The following WNT10A variants were observed in gnomAD, a reference collection of about 807,000 sequenced individuals.
WNT10A encodes protein Wnt-10a.
WNT10A carries 37 observed loss-of-function variants against 36.1 expected under a neutral mutation model. The ratio of observed to expected loss-of-function variants is 1.02; its 90% CI spans 0.79 to 1.35. The LOEUF is 1.35. WNT10A is among the 40% of genes most tolerant of loss of function. The probability of loss-of-function intolerance (pLI) is 0.00; values close to 1 mark genes in which losing one functional copy is unlikely to be tolerated. For synonymous variants in WNT10A, 255 were observed against 254.1 expected (o/e 1.00, Z -0.03); for missense variants, 613 against 601.4 (o/e 1.02, Z -0.20).
At chr2:218,891,415 C>G (rs1944648736) in intron 3 of WNT10A, among the ~76,000 whole-genome samples, 1 of 152,208 alleles carries the variant, frequency 6.6e-6, no homozygotes, top group Admixed American at 6.5e-5. Flanking sequence ...TTCTCCATCT[C>G]ACTCTTCTTT....
chr2:218,879,032 C>A (rs1366384743), upstream of WNT10A, among the ~76,000 whole-genome samples: 1 of 152,186 alleles, frequency 6.6e-6, no homozygotes, highest in African/African-American at 2.4e-5. Flanking sequence ...CTGCTTGCTG[C>A]CCCTGGCTGT....
chr2:218,890,514 A>G (rs1429284139), intron 3 of WNT10A, 151 bp downstream of exon 3: 3 of 1,176,152 alleles, frequency 2.6e-6, no homozygotes, highest in Non-Finnish European at 3.6e-6. Flanking sequence ...ACAAACATGC[A>G]CTGAGTATGC....
upstream of WNT10A, among the ~76,000 whole-genome samples, chr2:218,879,373 G>A (rs1447962317): frequency 6.6e-6 from 1 of 152,218 alleles, no homozygotes; most frequent in African/African-American, 2.4e-5. Context: ...TTGTGTAAAG[G>A]CTTGTGCCCA....
At chr2:218,881,321 C>A (rs1328387485) in intron 1 of WNT10A, among the ~76,000 whole-genome samples, 1 of 152,094 alleles carries the variant, frequency 6.6e-6, no homozygotes, top group Non-Finnish European at 1.5e-5. Flanking sequence ...CAAGGCAGTG[C>A]CCAGGAGCAT....
At chr2:218,881,313 A>G (rs1346408981) in intron 1 of WNT10A, among the ~76,000 whole-genome samples, 1 of 152,086 alleles carries the variant, frequency 6.6e-6, no homozygotes, top group Non-Finnish European at 1.5e-5. Flanking sequence ...CAGGGAGACA[A>G]GGCAGTGCCC....
intron 2 of WNT10A, among the ~76,000 whole-genome samples, chr2:218,889,753 G>C (rs746473166): frequency 6.6e-6 from 1 of 152,228 alleles, no homozygotes; most frequent in Non-Finnish European, 1.5e-5. Flanking sequence ...GGAGAAGGGC[G>C]TACAAAAAGC....
intron 3 of WNT10A, 56 bp from the exon 4 acceptor site, chr2:218,892,718 T>C (rs1944667513): frequency 3.2e-6 from 5 of 1,548,506 alleles, no homozygotes; most frequent in Admixed American, 3.9e-5. Context: ...GGCTAAGCGC[T>C]GGGAGGGGAG....
At chr2:218,885,201 G>A (rs11680244) in intron 2 of WNT10A, among the ~76,000 whole-genome samples, 2,863 of 152,312 alleles carry the variant, frequency 0.019, 46 homozygotes, top group Non-Finnish European at 0.029. Context: ...GGGGCCTCCC[G>A]TGGGAATAGA....
intron 3 of WNT10A, among the ~76,000 whole-genome samples, chr2:218,891,782 G>A (rs1313966147): frequency 6.6e-6 from 1 of 152,222 alleles, no homozygotes; most frequent in Non-Finnish European, 1.5e-5. Context: ...CGAGGGGAAG[G>A]CGCCCTCTCT....
At chr2:218,885,822 C>G (rs1944571253) in intron 2 of WNT10A, among the ~76,000 whole-genome samples, 1 of 152,022 alleles carries the variant, frequency 6.6e-6, no homozygotes, top group Admixed American at 6.5e-5. Flanking sequence ...CACTCATATC[C>G]CAGGATCACC....
upstream of WNT10A, among the ~76,000 whole-genome samples, chr2:218,878,647 C>T (rs962115287): frequency 2.0e-5 from 3 of 152,116 alleles, no homozygotes; most frequent in East Asian, 1.9e-4. The surrounding 1 kb of genome is among the most constrained non-coding windows in gnomAD (Gnocchi z 4.1). Flanking sequence ...GGCCTGGAAT[C>T]CGCATTCCCA....
chr2:218,878,408 T>C (rs1282100488), upstream of WNT10A, among the ~76,000 whole-genome samples: 3 of 152,260 alleles, frequency 2.0e-5, no homozygotes, highest in East Asian at 5.8e-4. The surrounding 1 kb of genome is among the most constrained non-coding windows in gnomAD (Gnocchi z 4.1). Flanking sequence ...TTGTTTTTTT[T>C]TAAGAAAGGG....
upstream of WNT10A, chr2:218,880,788 C>A (rs1042872983): frequency 3.0e-5 from 15 of 495,902 alleles, no homozygotes; most frequent in African/African-American, 2.9e-4. This position sits in a 1 kb window ranked among gnomAD's most constrained non-coding sequence, Gnocchi z 7.7. Flanking sequence ...CCGCTCTTCA[C>A]CCCCCGCCCC....
At position 218,893,741 on chromosome 2, in the gene WNT10A, A is replaced by C; in HGVS notation, c.*470A>C. On this transcript the variant is annotated 3_prime_UTR_variant, in exon 4 of 4. Coordinates refer to ENST00000258411, the MANE Select transcript of WNT10A (RefSeq NM_025216.3). This position sits in a 1 kb window ranked among gnomAD's most constrained non-coding sequence, Gnocchi z 6.3. ...GACAGCCTCCTCCACCATTCCCTTCATCATTCATTTAACAAATATTTATTT... is the reference window on the plus strand; with the variant it reads ...GACAGCCTCCTCCACCATTCCCTTCCTCATTCATTTAACAAATATTTATTT... 1 of 157,056 alleles carries C rather than the reference A, an allele frequency of 6.4e-6. No homozygotes were observed. The highest frequency in any genetic ancestry group is 1.9e-4 in the East Asian group (1 of 5,314). 9.7% of individuals were successfully genotyped at this position (157,056 alleles called of 1,614,324 possible).
rs868451043 is a variant in WNT10A, at chr2:218,893,093, G to A, written c.1076G>A (p.Gly359Asp). The change falls in exon 4 of 4, where the codon GGC becomes GAC. Residue 359 changes from glycine to aspartate, a missense_variant. Coordinates refer to ENST00000258411, the MANE Select transcript of WNT10A (RefSeq NM_025216.3). The surrounding 1 kb of genome is among the most constrained non-coding windows in gnomAD (Gnocchi z 6.3). Reference protein sequence around the residue: ...EPRLDSAGTVGRLCNKSSAGS... With the variant: ...EPRLDSAGTVDRLCNKSSAGS... ...CGCCTGGACTCGGCGGGCACCGTGG[G>A]CCGCCTGTGCAACAAGAGCAGCGCC... The A allele has an allele frequency of 1.9e-6, 3 of 1,596,530 alleles. No individual in the cohort carries two copies. In the Middle Eastern group the frequency reaches 5.1e-4, roughly 272 times the overall value.
chr2:218,878,064 G>A (rs544605485), upstream of WNT10A, among the ~76,000 whole-genome samples: 122 of 152,214 alleles, frequency 8.0e-4, no homozygotes, highest in Middle Eastern at 0.014. This position sits in a 1 kb window ranked among gnomAD's most constrained non-coding sequence, Gnocchi z 4.1. Flanking sequence ...GTGCTCCCCC[G>A]CCCCCCAGTG....
chr2:218,877,489 C>T (rs1944463399), upstream of WNT10A, among the ~76,000 whole-genome samples: 1 of 152,288 alleles, frequency 6.6e-6, no homozygotes, highest in East Asian at 1.9e-4. The surrounding 1 kb of genome is among the most constrained non-coding windows in gnomAD (Gnocchi z 4.1). Flanking sequence ...GTTCCCACCA[C>T]CACCCACCCC....
intron 3 of WNT10A, among the ~76,000 whole-genome samples, 197 bp from the exon 4 acceptor site, chr2:218,892,573 AGGTG>A (rs1944665849): frequency 1.3e-5 from 2 of 152,018 alleles, no homozygotes; most frequent in Non-Finnish European, 2.9e-5. Flanking sequence ...GCCTGGTGGG[AGGTG>A]GGTGGGAGAG....
chr2:218,893,059 C>A lies in WNT10A; in HGVS notation c.1042C>A (p.Arg348Ser), dbSNP rs978088338. The A allele has an allele frequency of 1.6e-5, 26 of 1,596,280 alleles. No individual in the cohort carries two copies. The highest frequency in any genetic ancestry group is 2.2e-5 in the Non-Finnish European group (26 of 1,179,122). The change falls in exon 4 of 4, where the codon CGC becomes AGC. Residue 348 changes from arginine (R) to serine (S), a missense_variant. Physicochemically the swap from Arg to Ser is moderately radical, Grantham distance 110. Transcript: ENST00000258411. The surrounding 1 kb of genome is among the most constrained non-coding windows in gnomAD (Gnocchi z 6.3). ...CGAAAAGTCTCCCGACTTCTGCGAG[C>A]GCGAGCCGCGCCTGGACTCGGCGGG... Reference protein sequence around the residue: ...YFEKSPDFCEREPRLDSAGTV... With the variant: ...YFEKSPDFCESEPRLDSAGTV...
Sources: allele counts gnomAD v4.1 joint callset (sites outside exome capture counted in the v4.1 genomes callset), GRCh38; gene constraint gnomAD v4.1.1; non-coding constraint Gnocchi (gnomAD v3.1); transcripts MANE v1.5; gene names NCBI Gene and HGNC (gene_info 2026-07-23, HGNC 2026-07-21).